NAA25: variants seen among roughly 807,000 people sequenced by gnomAD.
NAA25 encodes the protein N-alpha-acetyltransferase 25, NatB auxiliary subunit.
NAA25 carries 30 observed loss-of-function variants against 132.5 expected under a neutral mutation model. That is an observed-to-expected ratio of 0.23 (90% CI 0.17 to 0.31). NAA25 has a LOEUF of 0.31. Among genes scored for constraint, NAA25 ranks in the 10% least tolerant of loss-of-function variants. NAA25 has a pLI of 1.00. For synonymous variants in NAA25, 359 were observed against 401.9 expected, an observed-to-expected ratio of 0.89 and a Z score of 1.28; for missense variants, 771 against 1,150.4, an observed-to-expected ratio of 0.67 and a Z score of 4.77.
At chr12:112,097,599 T>G (rs1255581935) in intron 1 of NAA25, among the ~76,000 whole-genome samples, 4 of 124,050 alleles carry the variant, frequency 3.2e-5, no homozygotes, top group Non-Finnish European at 6.5e-5. Context: ...AGAGCGAGAC[T>G]CCGTCTCAAA....
chr12:112,031,698 C>T (rs1027979272), intron 23 of NAA25, among the ~76,000 whole-genome samples: 2 of 151,922 alleles, frequency 1.3e-5, no homozygotes, highest in African/African-American at 4.8e-5. Flanking sequence ...GTGCCTATCA[C>T]CTTCATATCT....
Position 112,057,203 on chromosome 12 carries a change from GATAAAATAAAATAAC to G in NAA25, c.1448-2650_1448-2636del, listed in dbSNP as rs1412894032. Among the ~76,000 whole-genome samples the G allele has an allele frequency of 5.3e-5, 8 of 151,790 alleles. No individual in the cohort carries two copies. The East Asian group carries it at 1.6e-3, about 29-fold the overall frequency. ...ACTCCATCTCAAAAAAGTAAAATAA[GATAAAATAAAATAAC>G]ATAAAATAAAATAAAATAAAATAGT... is the stretch of plus-strand genomic sequence containing the variant. On this transcript the variant is annotated intron_variant, in intron 13 of 23. Transcript: ENST00000261745.
In NAA25 at chr12:112,060,303, C is replaced by G; in HGVS notation, c.1414G>C (p.Val472Leu). ...QFSDYYCLLA[V>L]HALIDVWRET... ...CTCCATACATCAATAAGCGCATGGA[C>G]AGCAAGGAGACAGTAATAGTCAGAA... The change falls in exon 13 of 24, where the codon GTC becomes CTC. Residue 472 changes from valine (V) to leucine (L), a missense_variant. By Grantham distance (32) the Val-to-Leu change is conservative. Coordinates refer to ENST00000261745, the MANE Select transcript of NAA25 (RefSeq NM_024953.4). The G allele has an allele frequency of 1.2e-6, 2 of 1,613,602 alleles. No homozygotes were observed. The highest frequency in any genetic ancestry group is 2.2e-5 in the South Asian group (2 of 91,012).
intron 20 of NAA25, among the ~76,000 whole-genome samples, chr12:112,041,720 T>C (rs1267993039): frequency 6.6e-6 from 1 of 152,132 alleles, no homozygotes. Flanking sequence ...AAAATGTTAA[T>C]ACAATACTAT....
intron 4 of NAA25, among the ~76,000 whole-genome samples, chr12:112,086,102 A>ACACACACACACACACACC (rs796241170): frequency 0.018 from 2,208 of 120,614 alleles, 55 homozygotes; most frequent in East Asian, 0.083. Flanking sequence ...ACACACACAC[A>ACACACACACACACACACC]CCCATAACCA....
intron 14 of NAA25, 75 bp from the exon 15 acceptor site, chr12:112,053,732 C>T: frequency 2.0e-6 from 2 of 991,796 alleles, no homozygotes; most frequent in Non-Finnish European, 3.0e-6. Context: ...AAATATTACG[C>T]TTCAAATTAC....
At chr12:112,041,475 C>T (rs982702809) in intron 20 of NAA25, among the ~76,000 whole-genome samples, 2 of 152,118 alleles carry the variant, frequency 1.3e-5, no homozygotes, top group African/African-American at 4.8e-5. Flanking sequence ...GGCCGTGAGT[C>T]ACCATGCCCG....
At chr12:112,075,858 AC>A in intron 7 of NAA25, 69 bp from the exon 8 acceptor site, 1 of 1,215,590 alleles carries the variant, frequency 8.2e-7, no homozygotes, top group Non-Finnish European at 1.2e-6. Flanking sequence ...ATAGAGTCCA[AC>A]CACAAGAAGG....
intron 12 of NAA25, 140 bp downstream of exon 12, chr12:112,061,041 T>C (rs1488860542): frequency 6.2e-6 from 4 of 645,480 alleles, no homozygotes; most frequent in Non-Finnish European, 1.1e-5. Context: ...CTTTACATCA[T>C]ATTACTTAGA....
chr12:112,097,800 T>G (rs373318490), intron 1 of NAA25, among the ~76,000 whole-genome samples: 1 of 151,898 alleles, frequency 6.6e-6, no homozygotes, highest in East Asian at 1.9e-4. Flanking sequence ...TCTGGGTAAG[T>G]TGATGAGTAA....
intron 1 of NAA25, among the ~76,000 whole-genome samples, chr12:112,094,714 C>T (rs151275547): frequency 6.6e-6 from 1 of 152,260 alleles, no homozygotes; most frequent in African/African-American, 2.4e-5. Flanking sequence ...AGTTGGAGTG[C>T]AATGGCACAA....
intron 15 of NAA25, among the ~76,000 whole-genome samples, chr12:112,052,814 T>C (rs1259160793): frequency 2.0e-5 from 3 of 152,250 alleles, no homozygotes; most frequent in African/African-American, 7.2e-5. Context: ...CACAGCCAAC[T>C]TCAGGCGATG....
chr12:112,087,132 A>T (rs1164279714), intron 4 of NAA25, among the ~76,000 whole-genome samples: 2 of 152,138 alleles, frequency 1.3e-5, no homozygotes, highest in Non-Finnish European at 2.9e-5. Context: ...TGTTCAAATG[A>T]GGCTCCTTCA....
At chr12:112,040,810 A>G (rs1242041783) in intron 20 of NAA25, among the ~76,000 whole-genome samples, 1 of 152,224 alleles carries the variant, frequency 6.6e-6, no homozygotes, top group Non-Finnish European at 1.5e-5. Context: ...CTTAAAAATT[A>G]TACATTCTAG....
intron 12 of NAA25, among the ~76,000 whole-genome samples, chr12:112,060,581 G>A (rs1022035090): frequency 6.6e-6 from 1 of 152,226 alleles, no homozygotes; most frequent in Non-Finnish European, 1.5e-5. Flanking sequence ...TTCCAGAGCA[G>A]AGGTGGTATC....
At chr12:112,068,850 C>G in intron 11 of NAA25, 30 bp downstream of exon 11, 1 of 1,269,496 alleles carries the variant, frequency 7.9e-7, no homozygotes, top group Non-Finnish European at 1.1e-6. Flanking sequence ...TAGAGGCACC[C>G]AACAAACTTC....
intron 5 of NAA25, among the ~76,000 whole-genome samples, chr12:112,080,809 T>G (rs561607808): frequency 2.0e-5 from 3 of 151,954 alleles, no homozygotes; most frequent in African/African-American, 7.2e-5. Context: ...AAAAAATAAA[T>G]TTTTTTTAAT....
chr12:112,048,550 T>G lies in NAA25; in HGVS notation c.1729-107A>C, dbSNP rs80312988. 3.9e-3 allele frequency: 3,677 copies of G among 943,234 alleles called. 98 individuals are homozygous for G. The African/African-American group carries it at 0.053, about 14-fold the overall frequency. The allele number at this position is 943,234 out of a possible 1,614,324, so 58.4% of individuals were successfully genotyped here. Reference sequence around the variant, plus strand: ...ACTCAAACTAAAATTAAGTTTTAAATCTAATCTTTAAAGGTCTTGGTCACC... The same window carrying G: ...ACTCAAACTAAAATTAAGTTTTAAAGCTAATCTTTAAAGGTCTTGGTCACC... On this transcript the variant is annotated intron_variant, in intron 15 of 23. Coordinates refer to ENST00000261745, the MANE Select transcript of NAA25 (RefSeq NM_024953.4).
At chr12:112,094,289 A>G (rs939226658) in intron 1 of NAA25, among the ~76,000 whole-genome samples, 9 of 151,768 alleles carry the variant, frequency 5.9e-5, no homozygotes, top group Admixed American at 5.9e-4. Context: ...CCCTATAGTC[A>G]TCTCTCATCT....
Sources: allele counts gnomAD v4.1 joint callset (sites outside exome capture counted in the v4.1 genomes callset), GRCh38; gene constraint gnomAD v4.1.1; transcripts MANE v1.5; gene names NCBI Gene and HGNC (gene_info 2026-07-23, HGNC 2026-07-21).